TRANK1: variants seen among roughly 807,000 people sequenced by gnomAD.
The protein encoded by TRANK1 is TPR and ankyrin repeat-containing protein 1.
Under a neutral mutation model 266.0 loss-of-function variants are expected in TRANK1, and 198 were observed. That is an observed-to-expected ratio of 0.74 (90% CI 0.66 to 0.84). TRANK1 has a LOEUF of 0.84. Ranked by LOEUF, TRANK1 falls within the 40% of genes least tolerant of loss-of-function variation. TRANK1 has a pLI of 0.00. For missense variants in TRANK1, 3,326 were observed against 3,634.6 expected (o/e 0.92, Z 2.18); for synonymous variants, 1,396 against 1,384.1 (o/e 1.01, Z -0.19).
chr3:36,910,270 C>T (rs548195294), intron 1 of TRANK1, among the ~76,000 whole-genome samples: 5 of 152,242 alleles, frequency 3.3e-5, no homozygotes, highest in East Asian at 1.9e-4. Context: ...AAGAATGACA[C>T]GAAATGTTGG....
intron 9 of TRANK1, among the ~76,000 whole-genome samples, chr3:36,867,787 A>T (rs2079247732): frequency 1.3e-5 from 2 of 152,266 alleles, no homozygotes; most frequent in Non-Finnish European, 2.9e-5. Context: ...CAATGATCAC[A>T]TTTAGCAAAT....
rs1357858820 is a variant in TRANK1, at chr3:36,864,454, T to C, written c.1105A>G (p.Ser369Gly). ...SGFSNGDGPT[S>G]ENDIFRKVLE... is the part of the protein sequence containing the mutation. ...ACCTTCCTGAAAATGTCGTTTTCAC[T>C]AGTGGGTCCATCACCATTGCTGAAT... The change falls in exon 10 of 24, where the codon AGT (serine) becomes GGT (glycine). Residue 369 changes from serine to glycine, a missense_variant. By Grantham distance (56) the Ser-to-Gly change is moderately conservative (BLOSUM62 0). Coordinates refer to ENST00000645898, the MANE Select transcript of TRANK1 (RefSeq NM_001329998.2). The C allele has an allele frequency of 6.5e-7, 1 of 1,536,222 alleles. No individual in the cohort carries two copies. Among genetic ancestry groups the C allele is most frequent in the Admixed American group, 2.0e-5 (1 of 50,664 alleles).
intron 1 of TRANK1, among the ~76,000 whole-genome samples, chr3:36,925,062 G>A (rs1209760850): frequency 6.6e-6 from 1 of 152,198 alleles, no homozygotes; most frequent in Non-Finnish European, 1.5e-5. Context: ...TTCAGTGGCT[G>A]AAAGGGGGTA....
rs1559448092 is a variant in TRANK1 at position 36,879,623 on chromosome 3, T to TAAATATATATAAATATACAAATATAC, written c.908-5328_908-5327insGTATATTTGTATATTTATATATATTT. On this transcript the variant is annotated intron_variant, in intron 8 of 23. Coordinates refer to ENST00000645898, the MANE Select transcript of TRANK1 (RefSeq NM_001329998.2). ...AAATATATATAAATATACAAATATATATAAATATATATAAATATACAAATA... is the reference window on the plus strand; with the variant it reads ...AAATATATATAAATATACAAATATATAAATATATATAAATATACAAATATACATAAATATATATAAATATACAAATA... 2.6e-5 allele frequency among the ~76,000 whole-genome samples: 3 copies of TAAATATATATAAATATACAAATATAC among 114,836 alleles called. 1 individual carries two copies. The highest frequency in any genetic ancestry group is 8.1e-5 in the African/African-American group (2 of 24,724). 75.3% of individuals were successfully genotyped at this position (114,836 alleles called of 152,430 possible). A position where few individuals can be genotyped will look rare whatever the true frequency, so the allele number is the denominator to read the frequency against.
chr3:36,832,193 C>T lies in TRANK1; in HGVS notation c.7390G>A (p.Gly2464Arg), dbSNP rs769749139. 3.1e-6 allele frequency: 5 copies of T among 1,614,020 alleles called. No individual in the cohort carries two copies. The highest frequency in any genetic ancestry group is 4.2e-6 in the Non-Finnish European group (5 of 1,179,890). ...TTCCAGAGGCGGGCCAGCACCACCC[C>T]ACAGTGGATGAACTGGAACTCCAGG... ...ALLEFQFIHCGVVLARLWKNV... is the reference protein window; with the variant it reads ...ALLEFQFIHCRVVLARLWKNV... Residue 2464 changes from glycine (G) to arginine (R), a missense_variant, in exon 22 of 24, where the codon GGG becomes AGG. Gly to Arg is a moderately radical substitution (Grantham distance 125). Transcript: ENST00000645898.
At chr3:36,898,310 C>T (rs572373086) in intron 4 of TRANK1, among the ~76,000 whole-genome samples, 4 of 151,990 alleles carry the variant, frequency 2.6e-5, no homozygotes, top group African/African-American at 7.2e-5. Context: ...GTTAGCCGGG[C>T]GGGGTGGTAG....
At chr3:36,917,488 A>G (rs1470302159) in intron 1 of TRANK1, among the ~76,000 whole-genome samples, 2 of 152,166 alleles carry the variant, frequency 1.3e-5, no homozygotes, top group Admixed American at 1.3e-4. Context: ...GCCCCTCTAA[A>G]AGAGAGGTCA....
chr3:36,842,185 C>T (rs1282592590), intron 18 of TRANK1, among the ~76,000 whole-genome samples: 3 of 152,184 alleles, frequency 2.0e-5, no homozygotes, highest in African/African-American at 7.2e-5. Flanking sequence ...AAAGCCTTAA[C>T]CTATCTTCAC....
intron 17 of TRANK1, among the ~76,000 whole-genome samples, chr3:36,845,131 C>G (rs935423353): frequency 6.6e-6 from 1 of 152,046 alleles, no homozygotes; most frequent in Non-Finnish European, 1.5e-5. Flanking sequence ...ACTCGACAAC[C>G]CCATACCCAC....
Position 36,856,669 on chromosome 3 carries a change from C to G in TRANK1, c.3053G>C (p.Ser1018Thr). 1 of 1,614,072 alleles carries G rather than the reference C, an allele frequency of 6.2e-7. No individual in the cohort carries two copies. Among genetic ancestry groups the G allele is most frequent in the South Asian group, 1.1e-5 (1 of 91,082 alleles). The change falls in exon 13 of 24, where the codon AGT becomes ACT. Residue 1018 changes from serine to threonine, a missense_variant. By Grantham distance (58) the Ser-to-Thr change is moderately conservative (BLOSUM62 1). Transcript: ENST00000645898. Reference sequence around the variant, plus strand: ...GATGTTATATTCTGTCTCCACTGCACTGGCTGGGGGAAAGTACTCAGGATT... The same window carrying G: ...GATGTTATATTCTGTCTCCACTGCAGTGGCTGGGGGAAAGTACTCAGGATT... The part of the protein sequence containing the change: ...HVNPEYFPPA[S>T]AVETEYNIMK...
At chr3:36,924,862 C>A (rs965520780) in intron 1 of TRANK1, among the ~76,000 whole-genome samples, 1 of 152,230 alleles carries the variant, frequency 6.6e-6, no homozygotes, top group Non-Finnish European at 1.5e-5. Flanking sequence ...AAGGAGCCCC[C>A]CCGGACAGAA....
At chr3:36,869,190 T>C (rs1169293740) in intron 9 of TRANK1, among the ~76,000 whole-genome samples, 1 of 152,264 alleles carries the variant, frequency 6.6e-6, no homozygotes, top group Admixed American at 6.5e-5. Context: ...GCCCTGAACC[T>C]GCTGAATCAA....
chr3:36,906,582 A>G (rs1184181747), intron 2 of TRANK1, among the ~76,000 whole-genome samples: 1 of 152,222 alleles, frequency 6.6e-6, no homozygotes, highest in Admixed American at 6.5e-5. Flanking sequence ...TAAAATCACA[A>G]GGGTCCCTAT....
intron 1 of TRANK1, among the ~76,000 whole-genome samples, chr3:36,917,262 G>A (rs1266120563): frequency 6.6e-6 from 1 of 151,890 alleles, no homozygotes; most frequent in Non-Finnish European, 1.5e-5. Context: ...ACATAAATTT[G>A]GGAAATACAC....
At chr3:36,903,838 A>G (rs1038605280) in intron 2 of TRANK1, among the ~76,000 whole-genome samples, 5 of 152,396 alleles carry the variant, frequency 3.3e-5, no homozygotes, top group East Asian at 3.9e-4. Flanking sequence ...CTGCAAGTTA[A>G]TGCTGAAACC....
intron 8 of TRANK1, chr3:36,880,380 C>G (rs934541824): frequency 2.7e-5 from 10 of 371,692 alleles, no homozygotes; most frequent in Admixed American, 8.0e-5. Flanking sequence ...TCTAGCCAGC[C>G]CTCTTGGTTT....
chr3:36,833,721 G>T lies in TRANK1; in HGVS notation c.5862C>A (p.Asp1954Glu), dbSNP rs371136928. The change falls in exon 22 of 24, where the codon GAC becomes GAA. Residue 1954 changes from aspartate to glutamate, a missense_variant. Transcript: ENST00000645898. ...CTCTCCTACCTTCCCTGTTCAGCAG[G>T]TCTGCAGCTTCTGCTAAGCGTTTCC... is the stretch of plus-strand genomic sequence containing the variant. ...KSRKRLAEAA[D>E]LLNREGRREE... 1 of 1,614,016 alleles carries T rather than the reference G, an allele frequency of 6.2e-7. No homozygotes were observed. Among genetic ancestry groups the T allele is most frequent in the Non-Finnish European group, 8.5e-7 (1 of 1,179,900 alleles).
chr3:36,871,216 C>T (rs1392654799), intron 9 of TRANK1, among the ~76,000 whole-genome samples: 19 of 151,962 alleles, frequency 1.3e-4, no homozygotes, highest in African/African-American at 1.7e-4. Context: ...GCTGAAACCC[C>T]GTCCCTACTA....
At chr3:36,851,553 C>T in intron 15 of TRANK1, 166 bp downstream of exon 15, 1 of 1,211,190 alleles carries the variant, frequency 8.3e-7, no homozygotes, top group Non-Finnish European at 1.1e-6. Context: ...ATGTCAAAAC[C>T]CACATCTAAA....
Sources: gnomAD v4.1 joint callset for allele counts (sites outside exome capture counted in the v4.1 genomes callset) on GRCh38, gnomAD v4.1.1 for gene constraint, MANE v1.5 for transcripts, NCBI Gene and HGNC (gene_info 2026-07-23, HGNC 2026-07-21) for gene names.